The following BRWD1 variants were observed in gnomAD, a reference collection of about 807,000 sequenced individuals.
BRWD1 encodes bromodomain and WD repeat-containing protein 1.
In BRWD1, 82 loss-of-function variants were observed where a neutral mutation model predicts 251.2. That is an observed-to-expected ratio of 0.33 (90% CI 0.27 to 0.39). BRWD1 has a LOEUF of 0.39. BRWD1 is among the 10% of genes least tolerant of loss of function. The pLI, the probability that BRWD1 is intolerant of heterozygous loss-of-function variation, is 1.00. For missense variants in BRWD1, 2,233 were observed against 2,711.6 expected (o/e 0.82, Z 3.92); for synonymous variants, 918 against 902.8 (o/e 1.02, Z -0.30).
rs2034544657 is a variant in BRWD1 at position 39,255,795 on chromosome 21, G to A, written c.2105C>T (p.Pro702Leu). The change falls in exon 19 of 41, where the codon CCT (proline) becomes CTT (leucine). Residue 702 changes from proline to leucine, a missense_variant. This residue lies in a region of BRWD1 where 73 missense variants were observed against 68.1 expected (regional missense o/e 1.07). Transcript: ENST00000342449. ...FRRLSLDIQS[P>L]PNIGLRRSGQ... ...ACTACGACGCAGACCAATATTTGGA[G>A]GGGACTGAATGTCTAAGCTCAGCCT... 3.1e-6 allele frequency: 5 copies of A among 1,614,124 alleles called. No individual in the cohort carries two copies. The highest frequency in any genetic ancestry group is 4.2e-6 in the Non-Finnish European group (5 of 1,179,990).
chr21:39,279,120 T>C (rs2035369338), intron 9 of BRWD1, among the ~76,000 whole-genome samples: 1 of 152,146 alleles, frequency 6.6e-6, no homozygotes, highest in Admixed American at 6.5e-5. Flanking sequence ...ATCAAATTAA[T>C]CATATTTCCT....
intron 31 of BRWD1, chr21:39,217,081 ATATTT>A (rs2032975187): frequency 1.7e-4 from 2 of 11,514 alleles, no homozygotes; most frequent in Non-Finnish European, 3.1e-4. Flanking sequence ...ATATATATAT[ATATTT>A]TTTTTTTTTT....
In BRWD1 at chr21:39,197,348, T is replaced by A. The variant is rs1568853846; in HGVS notation, c.5721A>T (p.Ser1907=). Reference sequence around the variant, plus strand: ...TCTTAACCACCTGTAAACTACTGTCTGAGTCACTGGAACAGACCCTTTTCC... The same window carrying A: ...TCTTAACCACCTGTAAACTACTGTCAGAGTCACTGGAACAGACCCTTTTCC... The part of the protein sequence containing the change: ...ISRKRVCSSD[S]DSSLQVVKKS... The change falls in exon 41 of 41, where the codon TCA becomes TCT. Residue 1907 remains serine (S), a synonymous_variant. Transcript: ENST00000342449. The A allele has an allele frequency of 1.9e-6, 3 of 1,613,802 alleles. No individual in the cohort carries two copies. The highest frequency in any genetic ancestry group is 2.5e-6 in the Non-Finnish European group (3 of 1,179,896).
intron 19 of BRWD1, among the ~76,000 whole-genome samples, 173 bp from the exon 20 acceptor site, chr21:39,251,062 C>G (rs1436654832): frequency 6.6e-6 from 1 of 152,166 alleles, no homozygotes; most frequent in Non-Finnish European, 1.5e-5. Context: ...AATAAAATCT[C>G]AGAGGCAGTT....
At chr21:39,198,589 A>C (rs921954625) in intron 40 of BRWD1, among the ~76,000 whole-genome samples, 174 bp downstream of exon 40, 1 of 152,210 alleles carries the variant, frequency 6.6e-6, no homozygotes, top group Non-Finnish European at 1.5e-5. Flanking sequence ...ACGCATGCAC[A>C]TAAGAATATA....
At position 39,206,272 on chromosome 21, in the gene BRWD1, A is replaced by G; in HGVS notation, c.4200T>C (p.Ile1400=). 1.9e-6 allele frequency: 3 copies of G among 1,567,202 alleles called. No individual in the cohort carries two copies. The highest frequency in any genetic ancestry group is 2.6e-6 in the Non-Finnish European group (3 of 1,149,818). ...KAYTPNKRSK[I]YSMTLRLSAL... The stretch of plus-strand genomic sequence containing the variant: ...CAGATAATCTCAAGGTCATACTATA[A>G]ATCTGCAAGGATATAAAAACAAAGT... The change falls in exon 37 of 41, where the codon ATT becomes ATC. Residue 1400 remains isoleucine (I), a splice_region_variant and synonymous_variant. Coordinates refer to ENST00000342449, the MANE Select transcript of BRWD1 (RefSeq NM_033656.4).
At chr21:39,262,820 C>T (rs2034798523) in intron 17 of BRWD1, among the ~76,000 whole-genome samples, 1 of 152,118 alleles carries the variant, frequency 6.6e-6, no homozygotes. Flanking sequence ...GGACTGACTC[C>T]AAACAGGTCC....
chr21:39,210,971 G>A, intron 34 of BRWD1, 42 bp from the exon 35 acceptor site: 1 of 1,556,556 alleles, frequency 6.4e-7, no homozygotes, highest in South Asian at 1.2e-5. Context: ...CACACTATTG[G>A]TGTAAGACTG....
chr21:39,260,951 TGG>T (rs1290043299), intron 17 of BRWD1, among the ~76,000 whole-genome samples: 1 of 152,210 alleles, frequency 6.6e-6, no homozygotes, highest in East Asian at 1.9e-4. Flanking sequence ...CCGGGCATGG[TGG>T]CTCACGCCTG....
Position 39,191,184 on chromosome 21 carries a change from A to G in BRWD1, c.*5075T>C. On this transcript the variant is annotated 3_prime_UTR_variant, in exon 41 of 41. Transcript: ENST00000342449. ...CCTATTACTGTACTACTGGAAAGAAACCAGGCCACAGACAATCCAATGGCA... is the reference window on the plus strand; with the variant it reads ...CCTATTACTGTACTACTGGAAAGAAGCCAGGCCACAGACAATCCAATGGCA... 1.0e-6 allele frequency: 1 copy of G among 985,336 alleles called. No homozygotes were observed. The highest frequency in any genetic ancestry group is 1.2e-6 in the Non-Finnish European group (1 of 829,906). The allele number at this position is 985,336 out of a possible 1,614,324, so 61.0% of individuals were successfully genotyped here.
chr21:39,218,596 G>C lies in BRWD1; in HGVS notation c.3447C>G (p.Leu1149=). ...CCCATTCACCAGCTTGTGGTTTATAGAGCAATTTCTCTAGCTCATCTGTTG... is the reference window on the plus strand; with the variant it reads ...CCCATTCACCAGCTTGTGGTTTATACAGCAATTTCTCTAGCTCATCTGTTG... The part of the protein sequence containing the change: ...SVTTDELEKL[L]YKPQAGEWGQ... The change falls in exon 30 of 41, where the codon CTC becomes CTG. Residue 1149 remains leucine (L), a synonymous_variant. Transcript: ENST00000342449. 1.2e-6 allele frequency: 2 copies of C among 1,612,182 alleles called. No individual in the cohort carries two copies. Among genetic ancestry groups the C allele is most frequent in the Non-Finnish European group, 1.7e-6 (2 of 1,179,306 alleles).
intron 8 of BRWD1, among the ~76,000 whole-genome samples, chr21:39,282,857 G>A (rs2035514875): frequency 6.6e-6 from 1 of 151,694 alleles, no homozygotes; most frequent in Non-Finnish European, 1.5e-5. Context: ...TACTCGGGAG[G>A]CTGAGGCAGG....
intron 1 of BRWD1, among the ~76,000 whole-genome samples, chr21:39,320,114 T>G (rs2036733648): frequency 6.6e-6 from 1 of 152,160 alleles, no homozygotes. Flanking sequence ...CGCTTGCCCT[T>G]GAGTTTCCAA....
intron 9 of BRWD1, 23 bp from the exon 10 acceptor site, chr21:39,278,836 TTTAAAA>T: frequency 6.5e-7 from 1 of 1,540,420 alleles, no homozygotes; most frequent in East Asian, 2.3e-5. Context: ...AAGATGCTGC[TTTAAAA>T]TAGATTATTT....
At chr21:39,313,643 C>T (rs2036604574), upstream of BRWD1, 1 of 507,980 alleles carries the variant, frequency 2.0e-6, no homozygotes, top group Non-Finnish European at 3.0e-6. Context: ...GGACCGACGC[C>T]TCCGCGGGGG....
chr21:39,289,726 T>A (rs2035748467), intron 8 of BRWD1, among the ~76,000 whole-genome samples: 1 of 152,294 alleles, frequency 6.6e-6, no homozygotes, highest in East Asian at 1.9e-4. Flanking sequence ...TTACTTCTAT[T>A]AAGAAGCTAG....
intron 36 of BRWD1, among the ~76,000 whole-genome samples, chr21:39,206,902 G>A (rs897605299): frequency 3.9e-5 from 6 of 152,104 alleles, no homozygotes; most frequent in African/African-American, 9.7e-5. Flanking sequence ...CCTCCTCCAC[G>A]ACTTTTCCTG....
intron 23 of BRWD1, among the ~76,000 whole-genome samples, chr21:39,236,201 C>T (rs2033805288): frequency 6.6e-6 from 1 of 152,178 alleles, no homozygotes; most frequent in East Asian, 1.9e-4. Flanking sequence ...GGCCCCAGTC[C>T]TGCAAAGGAC....
intron 36 of BRWD1, among the ~76,000 whole-genome samples, chr21:39,209,437 A>G (rs1005352882): frequency 2.9e-5 from 4 of 139,660 alleles, no homozygotes; most frequent in Non-Finnish European, 6.1e-5. Context: ...AGTAGGCTAG[A>G]AAAAAAAAAA....
Sources: gnomAD v4.1 joint callset for allele counts (sites outside exome capture counted in the v4.1 genomes callset) on GRCh38, gnomAD v4.1.1 for gene constraint, gnomAD v4.1.1 regional missense constraint, MANE v1.5 for transcripts, NCBI Gene and HGNC (gene_info 2026-07-23, HGNC 2026-07-21) for gene names.